OPCML: variants seen among roughly 807,000 people sequenced by gnomAD.
OPCML encodes opioid binding protein/cell adhesion molecule like.
OPCML carries 13 observed loss-of-function variants against 37.8 expected under a neutral mutation model. That is an observed-to-expected ratio of 0.34 (90% CI 0.22 to 0.55). The LOEUF (loss-of-function observed/expected upper bound fraction) is 0.55, where lower values mean the gene tolerates loss of function less well. Ranked by LOEUF, OPCML falls within the 20% of genes least tolerant of loss-of-function variation. The probability of loss-of-function intolerance (pLI) is 0.91; values close to 1 mark genes in which losing one functional copy is unlikely to be tolerated. For synonymous variants in OPCML, 176 were observed against 168.8 expected, an observed-to-expected ratio of 1.04 and a Z score of -0.33; for missense variants, 341 against 435.6, an observed-to-expected ratio of 0.78 and a Z score of 1.93.
intron 1 of OPCML, chr11:133,026,356 T>C: frequency 2.0e-6 from 2 of 975,870 alleles, no homozygotes; most frequent in Non-Finnish European, 2.4e-6. Context: ...CCACGCGTAA[T>C]ACCCTGAAGG....
intron 4 of OPCML, among the ~76,000 whole-genome samples, chr11:132,520,894 A>C (rs968015322): frequency 6.6e-6 from 1 of 152,078 alleles, no homozygotes; most frequent in Non-Finnish European, 1.5e-5. Flanking sequence ...TATATACCAA[A>C]TACCATTACC....
At chr11:133,134,854 T>C (rs1192200605) in intron 1 of OPCML, among the ~76,000 whole-genome samples, 3 of 152,172 alleles carry the variant, frequency 2.0e-5, no homozygotes, top group Admixed American at 6.5e-5. Flanking sequence ...CCAGTAAGGT[T>C]CCTTGGCTCA....
intron 2 of OPCML, among the ~76,000 whole-genome samples, chr11:132,863,764 C>G (rs910860850): frequency 7.2e-5 from 11 of 152,080 alleles, no homozygotes; most frequent in Admixed American, 7.2e-4. Flanking sequence ...TCCTAGAGGC[C>G]GGGAGGAATC....
intron 1 of OPCML, among the ~76,000 whole-genome samples, chr11:133,229,290 A>G (rs1940173684): frequency 6.6e-6 from 1 of 152,164 alleles, no homozygotes; most frequent in South Asian, 2.1e-4. Context: ...CCCCCGCTTT[A>G]ACCGTGGTTT....
intron 2 of OPCML, among the ~76,000 whole-genome samples, chr11:132,867,178 T>C (rs924606098): frequency 1.6e-4 from 24 of 152,228 alleles, no homozygotes; most frequent in Non-Finnish European, 3.2e-4. Flanking sequence ...AATCTGAATG[T>C]TCTTGCACAC....
chr11:132,530,093 G>A (rs2096320193), intron 3 of OPCML, among the ~76,000 whole-genome samples: 1 of 152,270 alleles, frequency 6.6e-6, no homozygotes, highest in African/African-American at 2.4e-5. Context: ...TGAAATAATG[G>A]CTTAGCAGAG....
At chr11:133,287,398 C>T (rs1332535940) in intron 1 of OPCML, among the ~76,000 whole-genome samples, 7 of 149,396 alleles carry the variant, frequency 4.7e-5, no homozygotes, top group South Asian at 2.1e-4. Context: ...AGCCATGAGC[C>T]GAAACAAGTG....
chr11:132,436,878 T>C (rs2096015070), intron 5 of OPCML, 99 bp from the exon 6 acceptor site: 2 of 1,502,048 alleles, frequency 1.3e-6, no homozygotes, highest in African/African-American at 1.4e-5. Context: ...CCATTTGCTA[T>C]GTAAATGGAT....
chr11:132,516,690 A>G (rs1316995153), intron 4 of OPCML, among the ~76,000 whole-genome samples: 1 of 119,996 alleles, frequency 8.3e-6, no homozygotes, highest in Non-Finnish European at 1.8e-5. Flanking sequence ...TTTCCAGAGT[A>G]ATGAGAGGTT....
intron 1 of OPCML, among the ~76,000 whole-genome samples, chr11:133,286,860 T>C (rs773813582): frequency 7.2e-5 from 11 of 152,228 alleles, no homozygotes; most frequent in Non-Finnish European, 1.6e-4. Flanking sequence ...TCATTATTTG[T>C]CGAGCACCTA....
At chr11:132,981,268 G>A (rs978946406) in intron 1 of OPCML, among the ~76,000 whole-genome samples, 1 of 152,210 alleles carries the variant, frequency 6.6e-6, no homozygotes, top group Non-Finnish European at 1.5e-5. Context: ...CAACAAGACA[G>A]ATAAGATGTA....
At chr11:133,099,442 CTTTTTTTTT>C (rs35161811) in intron 1 of OPCML, among the ~76,000 whole-genome samples, 16 of 119,484 alleles carry the variant, frequency 1.3e-4, no homozygotes, top group Admixed American at 5.3e-4. Flanking sequence ...TTCTTTTTTT[CTTTTTTTTT>C]TTTTTTTTTG....
intron 1 of OPCML, among the ~76,000 whole-genome samples, chr11:133,084,601 A>G (rs1948791468): frequency 6.6e-6 from 1 of 152,150 alleles, no homozygotes; most frequent in South Asian, 2.1e-4. Flanking sequence ...CAGGCAGCAC[A>G]TCACTGGGAG....
intron 1 of OPCML, among the ~76,000 whole-genome samples, chr11:133,483,512 G>T (rs553940211): frequency 2.6e-5 from 4 of 151,938 alleles, no homozygotes; most frequent in East Asian, 3.9e-4. Flanking sequence ...ATGATAAACA[G>T]ATTAGATACA....
chr11:132,853,015 ATT>A (rs1355794069), intron 2 of OPCML, among the ~76,000 whole-genome samples: 3 of 152,206 alleles, frequency 2.0e-5, no homozygotes, highest in Admixed American at 1.3e-4. Flanking sequence ...GAAAAAAGCA[ATT>A]GTGTCATCAT....
chr11:132,731,616 G>A (rs2136011011), intron 2 of OPCML, among the ~76,000 whole-genome samples: 1 of 152,304 alleles, frequency 6.6e-6, no homozygotes, highest in South Asian at 2.1e-4. Flanking sequence ...CTTCATGTTA[G>A]GCTTGCAATG....
intron 2 of OPCML, among the ~76,000 whole-genome samples, chr11:132,761,024 C>G (rs546005570): frequency 6.6e-6 from 1 of 152,052 alleles, no homozygotes; most frequent in East Asian, 1.9e-4. Flanking sequence ...ATTTGCTTGT[C>G]TGTAAAGGAT....
chr11:133,070,474 C>T (rs865865079), intron 1 of OPCML, among the ~76,000 whole-genome samples: 2 of 152,144 alleles, frequency 1.3e-5, no homozygotes, highest in South Asian at 2.1e-4. Flanking sequence ...TGCTGACTTC[C>T]ACCCAGGGAT....
intron 4 of OPCML, among the ~76,000 whole-genome samples, chr11:132,477,347 G>T (rs551774789): frequency 6.6e-6 from 1 of 152,328 alleles, no homozygotes; most frequent in African/African-American, 2.4e-5. Context: ...CACTCTTCCT[G>T]CACAGTGGTA....
Sources: allele counts gnomAD v4.1 joint callset (sites outside exome capture counted in the v4.1 genomes callset), GRCh38; gene constraint gnomAD v4.1.1; transcripts MANE v1.5; gene names NCBI Gene and HGNC (gene_info 2026-07-23, HGNC 2026-07-21).